The following SLC39A14 variants were observed in gnomAD, a reference collection of about 807,000 sequenced individuals.
The protein encoded by SLC39A14 is solute carrier family 39 member 14.
In SLC39A14, 19 loss-of-function variants were observed where a neutral mutation model predicts 45.5. The observed-to-expected ratio is 0.42, with a 90% confidence interval of 0.29 to 0.61. The LOEUF is 0.61. Among genes scored for constraint, SLC39A14 ranks in the 20% least tolerant of loss-of-function variants. The pLI, the probability that SLC39A14 is intolerant of heterozygous loss-of-function variation, is 0.22. For synonymous variants in SLC39A14, 264 were observed against 251.3 expected (o/e 1.05, Z -0.48); for missense variants, 447 against 616.5 (o/e 0.73, Z 2.91).
At chr8:22,398,980 C>T (rs946524567) in intron 1 of SLC39A14, among the ~76,000 whole-genome samples, 1 of 152,190 alleles carries the variant, frequency 6.6e-6, no homozygotes, top group Non-Finnish European at 1.5e-5. Flanking sequence ...GACCCTGAGG[C>T]AAGTGCACCC....
intron 1 of SLC39A14, among the ~76,000 whole-genome samples, chr8:22,386,844 C>G (rs1833820563): frequency 6.6e-6 from 1 of 152,138 alleles, no homozygotes; most frequent in Admixed American, 6.5e-5. Context: ...TCCAAATTTT[C>G]CTGGAGGGGG....
At position 22,422,088 on chromosome 8, in the gene SLC39A14, T is replaced by C; in HGVS notation, c.*2390T>C. 1.0e-6 allele frequency: 1 copy of C among 985,444 alleles called. No homozygotes were observed. The highest frequency in any genetic ancestry group is 4.7e-5 in the South Asian group (1 of 21,282). The allele number at this position is 985,444 out of a possible 1,614,324, so 61.0% of individuals were successfully genotyped here. ...GCAATTTCTTTTGATTTTTAGTTGTTGAATTTGCTGTTTCAAGCATTTGTA... is the reference window on the plus strand; with the variant it reads ...GCAATTTCTTTTGATTTTTAGTTGTCGAATTTGCTGTTTCAAGCATTTGTA... On this transcript the variant is annotated 3_prime_UTR_variant, in exon 9 of 9. Coordinates refer to ENST00000381237, the MANE Select transcript of SLC39A14 (RefSeq NM_001128431.4).
chr8:22,429,937 T>C (rs1216088660), intron 8 of SLC39A14, among the ~76,000 whole-genome samples: 2 of 152,156 alleles, frequency 1.3e-5, no homozygotes, highest in Non-Finnish European at 1.5e-5. Flanking sequence ...TTTGTGACTG[T>C]AGAAGAATGT....
chr8:22,389,113 C>T (rs537882316), intron 1 of SLC39A14, among the ~76,000 whole-genome samples: 5 of 152,268 alleles, frequency 3.3e-5, no homozygotes, highest in African/African-American at 4.8e-5. Context: ...AATGAAAAAG[C>T]GCTGGCTCTG....
chr8:22,429,133 G>C (rs1425919424), intron 8 of SLC39A14, among the ~76,000 whole-genome samples: 1 of 152,092 alleles, frequency 6.6e-6, no homozygotes, highest in East Asian at 1.9e-4. Flanking sequence ...TTGGCTGGGC[G>C]TGGTGGCGGG....
intron 1 of SLC39A14, among the ~76,000 whole-genome samples, chr8:22,380,837 A>C (rs1349870240): frequency 6.7e-6 from 1 of 148,518 alleles, no homozygotes; most frequent in African/African-American, 2.5e-5. Flanking sequence ...CCACCATGCC[A>C]AGCTAATTAT....
At chr8:22,384,744 T>TA (rs34292650) in intron 1 of SLC39A14, among the ~76,000 whole-genome samples, 60,306 of 117,450 alleles carry the variant, frequency 0.51, 15,550 homozygotes, top group East Asian at 0.75. Flanking sequence ...GAGACTGTCT[T>TA]AAAAAAAAAA....
Position 22,420,531 on chromosome 8 carries a change from A to G in SLC39A14, c.*833A>G. ...TTTTGACCTCCTCTTCCCCACTGCC[A>G]TCTTCTAAGAGACTTTGTAGCTGCC... On this transcript the variant is annotated 3_prime_UTR_variant, in exon 9 of 9. Transcript: ENST00000381237. The G allele has an allele frequency of 4.1e-6, 4 of 985,452 alleles. No individual in the cohort carries two copies. Among genetic ancestry groups the G allele is most frequent in the South Asian group, 4.7e-5 (1 of 21,290 alleles). The allele number at this position is 985,452 out of a possible 1,614,324, so 61.0% of individuals were successfully genotyped here.
intron 1 of SLC39A14, among the ~76,000 whole-genome samples, chr8:22,370,680 G>C (rs1357062962): frequency 6.6e-6 from 1 of 152,168 alleles, no homozygotes; most frequent in East Asian, 1.9e-4. Flanking sequence ...TCTTTGCTTG[G>C]AAACTAGAAG....
chr8:22,429,374 C>T (rs548825857), intron 8 of SLC39A14, among the ~76,000 whole-genome samples: 10 of 152,160 alleles, frequency 6.6e-5, no homozygotes, highest in Admixed American at 4.6e-4. Context: ...ACATGTTTAA[C>T]CTCTCTGCAC....
intron 1 of SLC39A14, among the ~76,000 whole-genome samples, chr8:22,391,234 T>C (rs778398326): frequency 9.9e-5 from 15 of 152,086 alleles, no homozygotes; most frequent in African/African-American, 1.7e-4. Flanking sequence ...TCAGGTTAGG[T>C]TCCTTGTTGA....
downstream of SLC39A14, among the ~76,000 whole-genome samples, chr8:22,427,679 C>G (rs1367660654): frequency 2.6e-5 from 4 of 152,122 alleles, no homozygotes; most frequent in African/African-American, 9.7e-5. Context: ...TCTTACGCTG[C>G]CAAATTCACA....
downstream of SLC39A14, among the ~76,000 whole-genome samples, chr8:22,427,512 G>GA (rs796607100): frequency 2.1e-3 from 293 of 142,248 alleles, no homozygotes; most frequent in South Asian, 0.011. Context: ...TGCTAGTAAG[G>GA]AAAAAAAAAA....
intron 1 of SLC39A14, among the ~76,000 whole-genome samples, chr8:22,372,532 C>T (rs1048387798): frequency 2.6e-5 from 4 of 152,128 alleles, no homozygotes; most frequent in South Asian, 2.1e-4. Context: ...GAAGTGGAAT[C>T]GCTGGGTAAA....
intron 4 of SLC39A14, among the ~76,000 whole-genome samples, chr8:22,413,154 A>G (rs1265302039): frequency 6.6e-6 from 1 of 152,202 alleles, no homozygotes; most frequent in Non-Finnish European, 1.5e-5. Context: ...CAGCAGACCC[A>G]TTAATTACAA....
intron 1 of SLC39A14, among the ~76,000 whole-genome samples, chr8:22,379,798 G>C (rs1312738521): frequency 6.6e-6 from 1 of 151,554 alleles, no homozygotes; most frequent in East Asian, 1.9e-4. Flanking sequence ...GGGTGGTGGG[G>C]TGTGCCTGTA....
chr8:22,386,257 A>G lies in SLC39A14; in HGVS notation c.-15-18439A>G, dbSNP rs905640140. ...ACTGCGCCTGACGAATATGTACTTT[A>G]GAAGGATGACTTTTTTTTTTTTTTT... On this transcript the variant is annotated intron_variant, in intron 1 of 8. Coordinates refer to ENST00000381237, the MANE Select transcript of SLC39A14 (RefSeq NM_001128431.4). 2.0e-5 allele frequency among the ~76,000 whole-genome samples: 3 copies of G among 146,688 alleles called. 1 individual carries two copies. In the Admixed American group the frequency reaches 2.1e-4, roughly 10 times the overall value.
At chr8:22,391,885 A>G (rs1291889464) in intron 1 of SLC39A14, among the ~76,000 whole-genome samples, 5 of 152,158 alleles carry the variant, frequency 3.3e-5, no homozygotes, top group African/African-American at 7.2e-5. Flanking sequence ...CCTGTTCTTT[A>G]TCAGGTTGCA....
At chr8:22,392,314 G>T (rs757571834) in intron 1 of SLC39A14, among the ~76,000 whole-genome samples, 1 of 152,068 alleles carries the variant, frequency 6.6e-6, no homozygotes, top group Non-Finnish European at 1.5e-5. Flanking sequence ...CTGCGAGCTC[G>T]GTGCTTTCAC....
Sources: allele counts gnomAD v4.1 joint callset (sites outside exome capture counted in the v4.1 genomes callset), GRCh38; gene constraint gnomAD v4.1.1; transcripts MANE v1.5; gene names NCBI Gene and HGNC (gene_info 2026-07-23, HGNC 2026-07-21).